The following GGTA1 variants were observed in gnomAD, a reference collection of about 807,000 sequenced individuals.
GGTA1 encodes inactive N-acetyllactosaminide alpha-1,3-galactosyltransferase.
GGTA1 carries 5 observed loss-of-function variants against 2.6 expected under a neutral mutation model. The observed-to-expected ratio is 1.92, with a 90% confidence interval of 1.00 to 4.04. GGTA1 has a LOEUF of 4.04. GGTA1 is among the 30% of genes most tolerant of loss of function. The pLI is 0.00. For missense variants in GGTA1, 50 were observed against 16.7 expected (o/e 2.99, Z -3.47); for synonymous variants, 17 against 5.0 (o/e 3.38, Z -3.19).
At chr9:121,457,910 A>T (rs1187280546) in intron 5 of GGTA1, among the ~76,000 whole-genome samples, 6 of 122,890 alleles carry the variant, frequency 4.9e-5, no homozygotes, top group Middle Eastern at 4.3e-3. Context: ...AGAAAAGGAT[A>T]CTTTTTTTTT....
intron 1 of GGTA1, among the ~76,000 whole-genome samples, chr9:121,487,574 CAAAA>C (rs35537073): frequency 4.6e-5 from 3 of 65,934 alleles, no homozygotes; most frequent in East Asian, 5.5e-4. Flanking sequence ...GACTCTGTCT[CAAAA>C]AAAAAAAAAA....
At chr9:121,457,761 T>C (rs2064925323) in intron 5 of GGTA1, among the ~76,000 whole-genome samples, 5 of 149,672 alleles carry the variant, frequency 3.3e-5, no homozygotes, top group Admixed American at 3.3e-4. Flanking sequence ...TTAGCTCCCA[T>C]AAACTCTAAT....
rs568190092 is a variant in GGTA1 at position 121,493,849 on chromosome 9, C to T, written c.-10+5801G>A. Among the ~76,000 whole-genome samples, 12 of 151,008 alleles carry T rather than the reference C, an allele frequency of 7.9e-5. 1 individual carries two copies. The highest frequency in any genetic ancestry group is 6.3e-4 in the South Asian group (3 of 4,754). Reference sequence around the variant, plus strand: ...TTAGCTCACTGCAACCTCCACCTCCCGAGTTCAAGTGATTCTTCTGCCTCA... The same window carrying T: ...TTAGCTCACTGCAACCTCCACCTCCTGAGTTCAAGTGATTCTTCTGCCTCA... On this transcript the variant is annotated intron_variant, in intron 1 of 5. Coordinates refer to ENST00000481799, the MANE Select transcript of GGTA1 (RefSeq NM_001382585.1).
chr9:121,483,396 A>T (rs1828695802), intron 1 of GGTA1, among the ~76,000 whole-genome samples: 1 of 152,312 alleles, frequency 6.6e-6, no homozygotes, highest in Middle Eastern at 3.4e-3. Context: ...GAAGGCAGAC[A>T]ATTCAATTTC....
Position 121,476,343 on chromosome 9 carries a change from C to T in GGTA1, c.-9-8412G>A, listed in dbSNP as rs1411932035. 7.2e-5 allele frequency among the ~76,000 whole-genome samples: 11 copies of T among 152,136 alleles called. No homozygotes were observed. Among genetic ancestry groups the T allele is most frequent in the Admixed American group, 7.2e-4 (11 of 15,268 alleles). Reference sequence around the variant, plus strand: ...TGCTCCACCCCTGCCTCACCCTGTCCCCAGCCTTGTCATAGTCCTGCAGGT... The same window carrying T: ...TGCTCCACCCCTGCCTCACCCTGTCTCCAGCCTTGTCATAGTCCTGCAGGT... On this transcript the variant is annotated intron_variant, in intron 1 of 5. Coordinates refer to ENST00000481799, the MANE Select transcript of GGTA1 (RefSeq NM_001382585.1). This position sits in a 1 kb window ranked among gnomAD's most constrained non-coding sequence, Gnocchi z 4.6.
downstream of GGTA1, among the ~76,000 whole-genome samples, chr9:121,454,411 A>G (rs112732033): frequency 6.6e-6 from 1 of 152,222 alleles, no homozygotes; most frequent in African/African-American, 2.4e-5. Flanking sequence ...GCAAGCTAAC[A>G]CACACTGAGC....
rs1255956242 is a variant in GGTA1, at chr9:121,476,861, G to A, written c.-9-8930C>T. Among the ~76,000 whole-genome samples the A allele has an allele frequency of 6.6e-6, 1 of 152,158 alleles. No individual in the cohort carries two copies. Among genetic ancestry groups the A allele is most frequent in the Non-Finnish European group, 1.5e-5 (1 of 68,034 alleles). On this transcript the variant is annotated intron_variant, in intron 1 of 5. Coordinates refer to ENST00000481799, the MANE Select transcript of GGTA1 (RefSeq NM_001382585.1). The surrounding 1 kb of genome is among the most constrained non-coding windows in gnomAD (Gnocchi z 4.6). ...AGGTAGAGTGTTGCCTTGCCTGGGAGAGTCACTCTCTAGCCTCAGTGCCTG... is the reference window on the plus strand; with the variant it reads ...AGGTAGAGTGTTGCCTTGCCTGGGAAAGTCACTCTCTAGCCTCAGTGCCTG...
chr9:121,481,027 C>T (rs1828632626), intron 1 of GGTA1, among the ~76,000 whole-genome samples: 1 of 151,842 alleles, frequency 6.6e-6, no homozygotes, highest in Admixed American at 6.6e-5. Flanking sequence ...GTGGCAGGCA[C>T]CTGTAGTCCC....
In GGTA1 at chr9:121,460,112, AAACC is replaced by A. The variant is rs1425442264; in HGVS notation, c.286_289del (p.Gly96Ter). ...GACGCCGCTTTTCTTACTTTGGATT[AAACC>A]AGTCCCATAGCCGAAGCTCTGTTGT... On this transcript the variant is annotated frameshift_variant, in exon 5 of 6. Coordinates refer to ENST00000481799, the MANE Select transcript of GGTA1 (RefSeq NM_001382585.1). LOFTEE classifies it high-confidence loss of function. 2.2e-6 allele frequency: 1 copy of A among 456,740 alleles called. No homozygotes were observed. Among genetic ancestry groups the A allele is most frequent in the East Asian group, 6.9e-5 (1 of 14,390 alleles). 28.3% of individuals were successfully genotyped at this position (456,740 alleles called of 1,614,324 possible). A position where few individuals can be genotyped will look rare whatever the true frequency, so the allele number is the denominator to read the frequency against.
rs2065016333 is a variant in GGTA1, at chr9:121,467,914, G to A, written c.9C>T (p.Val3=). The A allele has an allele frequency of 6.6e-6, 3 of 455,786 alleles. No homozygotes were observed. Among genetic ancestry groups the A allele is most frequent in the Non-Finnish European group, 1.3e-5 (3 of 226,682 alleles). 28.2% of individuals were successfully genotyped at this position (455,786 alleles called of 1,614,324 possible). A position where few individuals can be genotyped will look rare whatever the true frequency, so the allele number is the denominator to read the frequency against. Residue 3 remains valine (V), a synonymous_variant, in exon 2 of 6, where the codon GTC becomes GTT. Transcript: ENST00000481799. MN[V]KGKVILSMLV... ...GCATTGACAGAATTACTTTTCCTTTGACATTCATTATTTTCTCCTAGGAAA... is the reference window on the plus strand; with the variant it reads ...GCATTGACAGAATTACTTTTCCTTTAACATTCATTATTTTCTCCTAGGAAA...
chr9:121,472,388 G>C (rs566091016), intron 1 of GGTA1, among the ~76,000 whole-genome samples: 3 of 152,052 alleles, frequency 2.0e-5, no homozygotes, highest in Admixed American at 6.6e-5. Flanking sequence ...ACTGTGCCTG[G>C]CATCGTATAA....
At chr9:121,477,467 A>T (rs1828535535) in intron 1 of GGTA1, among the ~76,000 whole-genome samples, 2 of 148,892 alleles carry the variant, frequency 1.3e-5, no homozygotes, top group Admixed American at 6.7e-5. Flanking sequence ...TGTTTTCTGG[A>T]TTTTGTTATA....
chr9:121,490,944 C>T (rs1828859387), intron 1 of GGTA1, among the ~76,000 whole-genome samples: 1 of 152,112 alleles, frequency 6.6e-6, no homozygotes, highest in Non-Finnish European at 1.5e-5. Context: ...ATTTTCATGC[C>T]CTGGAATGAA....
At chr9:121,481,149 T>A (rs1435467402) in intron 1 of GGTA1, among the ~76,000 whole-genome samples, 1 of 64,208 alleles carries the variant, frequency 1.6e-5, no homozygotes, top group African/African-American at 7.3e-5. Flanking sequence ...CAAGACACCA[T>A]CTCAAAAAAA....
chr9:121,498,402 G>C (rs1014632507), intron 1 of GGTA1, among the ~76,000 whole-genome samples: 34 of 152,230 alleles, frequency 2.2e-4, no homozygotes, highest in African/African-American at 7.7e-4. Flanking sequence ...GAGGTAGAAA[G>C]TGCCTGATGT....
chr9:121,453,045 C>T (rs528100555), downstream of GGTA1, among the ~76,000 whole-genome samples: 1 of 152,258 alleles, frequency 6.6e-6, no homozygotes, highest in East Asian at 1.9e-4. Flanking sequence ...GAGAGAGTGA[C>T]ATTAGATTAG....
chr9:121,497,318 C>T (rs1300221088), intron 1 of GGTA1, among the ~76,000 whole-genome samples: 3 of 152,164 alleles, frequency 2.0e-5, no homozygotes, highest in African/African-American at 4.8e-5. Flanking sequence ...GTCCAGTCCC[C>T]TACTGAAAGC....
At chr9:121,453,662 G>A (rs2064890192), downstream of GGTA1, among the ~76,000 whole-genome samples, 1 of 152,190 alleles carries the variant, frequency 6.6e-6, no homozygotes, top group African/African-American at 2.4e-5. Context: ...AGTGATTGGG[G>A]CAAAGTCCTG....
chr9:121,477,140 T>C (rs771608656), intron 1 of GGTA1, among the ~76,000 whole-genome samples: 11 of 152,260 alleles, frequency 7.2e-5, no homozygotes, highest in Admixed American at 4.6e-4. Flanking sequence ...GATCCAGGGC[T>C]GAGTTTTCTC....
Sources: allele counts gnomAD v4.1 joint callset (sites outside exome capture counted in the v4.1 genomes callset), GRCh38; gene constraint gnomAD v4.1.1; non-coding constraint Gnocchi (gnomAD v3.1); transcripts MANE v1.5; gene names NCBI Gene and HGNC (gene_info 2026-07-23, HGNC 2026-07-21).